Variants in PDLIM1 observed in about 807,000 individuals in gnomAD.
PDLIM1 encodes PDZ and LIM domain 1.
In PDLIM1, 25 loss-of-function variants were observed where a neutral mutation model predicts 35.2. The ratio of observed to expected loss-of-function variants is 0.71; its 90% CI spans 0.52 to 0.99. PDLIM1 has a LOEUF of 0.99. Ranked by LOEUF, PDLIM1 falls within the 50% of genes least tolerant of loss-of-function variation. PDLIM1 has a pLI of 0.00. For synonymous variants in PDLIM1, 152 were observed against 154.0 expected (o/e 0.99, Z 0.10); for missense variants, 363 against 415.3 (o/e 0.87, Z 1.09).
chr10:95,246,825 T>C (rs1014907116), intron 5 of PDLIM1, among the ~76,000 whole-genome samples: 2 of 152,196 alleles, frequency 1.3e-5, no homozygotes, highest in African/African-American at 4.8e-5. Flanking sequence ...CTGCTGCTCA[T>C]TGCCCATGGC....
At chr10:95,256,123 T>C (rs1164058514) in intron 4 of PDLIM1, among the ~76,000 whole-genome samples, 2 of 152,134 alleles carry the variant, frequency 1.3e-5, no homozygotes, top group African/African-American at 4.8e-5. Flanking sequence ...GTACACTGAA[T>C]AGAGTACATT....
intron 1 of PDLIM1, among the ~76,000 whole-genome samples, chr10:95,276,398 C>T (rs368675348): frequency 3.6e-4 from 55 of 152,284 alleles, no homozygotes; most frequent in African/African-American, 1.3e-3. Flanking sequence ...CTCCCTACCA[C>T]AGGACAGTCA....
chr10:95,271,659 T>C lies in PDLIM1; in HGVS notation c.222A>G (p.Thr74=), dbSNP rs762766484. ...TGGCTACAGTGAGAGTCAAGTTGTC[T>C]GTGCAGCCTTTGATTCTGTTCTGAG... The part of the protein sequence containing the change: ...LEAQNRIKGC[T]DNLTLTVARS... Residue 74 remains threonine, a synonymous_variant, in exon 2 of 7, where the codon ACA becomes ACG. Coordinates refer to ENST00000329399, the MANE Select transcript of PDLIM1 (RefSeq NM_020992.4). The C allele has an allele frequency of 3.1e-6, 5 of 1,607,130 alleles. No individual in the cohort carries two copies. The highest frequency in any genetic ancestry group is 1.1e-5 in the South Asian group (1 of 89,158).
Position 95,290,820 on chromosome 10 carries a change from C to T in PDLIM1, c.96G>A (p.Arg32=). Reference sequence around the variant, plus strand: ...CCACGCACGTCCCAGCTGCTCTTACCCGGGAAATGGCGAGAGGCTGCTCGA... The same window carrying T: ...CCACGCACGTCCCAGCTGCTCTTACTCGGGAAATGGCGAGAGGCTGCTCGA... The part of the protein sequence containing the change: ...KDFEQPLAIS[R]VTPGSKAALA... The change falls in exon 1 of 7, where the codon CGG becomes CGA. Residue 32 remains arginine (R), a splice_region_variant and synonymous_variant. Transcript: ENST00000329399. This position sits in a 1 kb window ranked among gnomAD's most constrained non-coding sequence, Gnocchi z 4.7. 1 of 1,556,674 alleles carries T rather than the reference C, an allele frequency of 6.4e-7. No individual in the cohort carries two copies. Among genetic ancestry groups the T allele is most frequent in the Non-Finnish European group, 8.7e-7 (1 of 1,150,180 alleles).
chr10:95,265,723 T>C (rs1200632512), intron 3 of PDLIM1, among the ~76,000 whole-genome samples: 1 of 149,188 alleles, frequency 6.7e-6, no homozygotes, highest in Non-Finnish European at 1.5e-5. Flanking sequence ...GAAACCAGCC[T>C]GGGCAACATA....
chr10:95,241,568 G>A (rs2035178358), intron 5 of PDLIM1, among the ~76,000 whole-genome samples: 1 of 152,140 alleles, frequency 6.6e-6, no homozygotes, highest in African/African-American at 2.4e-5. Context: ...AATACACAGG[G>A]CAGCCCCACA....
At chr10:95,247,065 CCCTCT>C in intron 5 of PDLIM1, 145 bp downstream of exon 5, 2 of 694,888 alleles carry the variant, frequency 2.9e-6, no homozygotes, top group Admixed American at 2.5e-5. Flanking sequence ...CTCTCTCTCT[CCCTCT>C]ATCTCTTTTT....
chr10:95,244,054 T>C (rs1236487965), intron 5 of PDLIM1, among the ~76,000 whole-genome samples: 2 of 152,216 alleles, frequency 1.3e-5, no homozygotes, highest in African/African-American at 4.8e-5. Context: ...CACATAAATG[T>C]ACTTAATACC....
intron 4 of PDLIM1, among the ~76,000 whole-genome samples, chr10:95,263,142 C>T (rs1023058882): frequency 2.3e-5 from 3 of 132,872 alleles, no homozygotes; most frequent in Admixed American, 7.7e-5. Context: ...GAAAGCTTGT[C>T]TCAAAAAAAA....
chr10:95,261,143 C>T (rs995955783), intron 4 of PDLIM1, among the ~76,000 whole-genome samples: 6 of 152,148 alleles, frequency 3.9e-5, no homozygotes, highest in African/African-American at 1.4e-4. Context: ...TAAACAGCCA[C>T]CTGGTAGTTT....
chr10:95,260,118 G>T (rs2035347860), intron 4 of PDLIM1, among the ~76,000 whole-genome samples: 1 of 152,208 alleles, frequency 6.6e-6, no homozygotes, highest in Non-Finnish European at 1.5e-5. Context: ...CACCTACCAG[G>T]GGCCAGGCAC....
At position 95,268,836 on chromosome 10, in the gene PDLIM1, AGAG is replaced by A. The variant is rs2035437743; in HGVS notation, c.272_274del (p.Pro91del). 1.2e-6 allele frequency: 2 copies of A among 1,611,850 alleles called. No individual in the cohort carries two copies. Among genetic ancestry groups the A allele is most frequent in the Non-Finnish European group, 1.7e-6 (2 of 1,177,850 alleles). On this transcript the variant is annotated inframe_deletion, in exon 3 of 7. Coordinates refer to ENST00000329399, the MANE Select transcript of PDLIM1 (RefSeq NM_020992.4). ...ATGACGCTTCCCTTCCTCCGTCACC[AGAG>A]GAGACCAGACTTTATGTTCAGATCT... is the stretch of plus-strand genomic sequence containing the variant.
intron 3 of PDLIM1, among the ~76,000 whole-genome samples, chr10:95,265,163 C>CA (rs765150528): frequency 2.6e-5 from 4 of 152,020 alleles, no homozygotes; most frequent in Non-Finnish European, 5.9e-5. Flanking sequence ...GTTGCACTTC[C>CA]TTTTTTCTCT....
rs1469906506 is a variant in PDLIM1 at position 95,241,864 on chromosome 10, G to A, written c.686-3179C>T. Among the ~76,000 whole-genome samples the A allele has an allele frequency of 5.3e-5, 8 of 152,156 alleles. No individual in the cohort carries two copies. The South Asian group carries it at 6.2e-4, about 12-fold the overall frequency. On this transcript the variant is annotated intron_variant, in intron 5 of 6. Coordinates refer to ENST00000329399, the MANE Select transcript of PDLIM1 (RefSeq NM_020992.4). Reference sequence around the variant, plus strand: ...AAGCCCAGCAGAGCCACAGCTATCCGGTAGCCCTCATAAATACAGATTACC... The same window carrying A: ...AAGCCCAGCAGAGCCACAGCTATCCAGTAGCCCTCATAAATACAGATTACC...
At chr10:95,273,359 C>T (rs974229674) in intron 1 of PDLIM1, 1 of 152,222 alleles carries the variant, frequency 6.6e-6, no homozygotes, top group Non-Finnish European at 1.5e-5. Context: ...AACCAGGACA[C>T]ACAAGTTGGG....
At chr10:95,258,406 G>A (rs1190540218) in intron 4 of PDLIM1, among the ~76,000 whole-genome samples, 1 of 152,070 alleles carries the variant, frequency 6.6e-6, no homozygotes, top group African/African-American at 2.4e-5. Flanking sequence ...GGAGGCTGAG[G>A]CAGAGAATTG....
In PDLIM1 at chr10:95,263,179, G is replaced by C. The variant is rs972326693; in HGVS notation, c.533+685C>G. 2.7e-5 allele frequency among the ~76,000 whole-genome samples: 4 copies of C among 148,690 alleles called. No homozygotes were observed. In the East Asian group the frequency reaches 7.8e-4, roughly 29 times the overall value. ...AAAAAAAGACTCAAAGGCAGCTGCAGCCAGATGATCTGTGACAGAAGAGGA... is the reference window on the plus strand; with the variant it reads ...AAAAAAAGACTCAAAGGCAGCTGCACCCAGATGATCTGTGACAGAAGAGGA... On this transcript the variant is annotated intron_variant, in intron 4 of 6. Coordinates refer to ENST00000329399, the MANE Select transcript of PDLIM1 (RefSeq NM_020992.4).
chr10:95,240,783 T>A (rs2035171495), intron 5 of PDLIM1, among the ~76,000 whole-genome samples: 1 of 152,180 alleles, frequency 6.6e-6, no homozygotes, highest in Non-Finnish European at 1.5e-5. Context: ...GGAAGGAGCC[T>A]TTCTGTAGTC....
At chr10:95,289,491 G>T (rs1228035606) in intron 1 of PDLIM1, among the ~76,000 whole-genome samples, 3 of 152,148 alleles carry the variant, frequency 2.0e-5, no homozygotes, top group Non-Finnish European at 2.9e-5. Flanking sequence ...CTCTTTTAGG[G>T]GGGTGAGATA....
Sources: gnomAD v4.1 joint callset for allele counts (sites outside exome capture counted in the v4.1 genomes callset) on GRCh38, gnomAD v4.1.1 for gene constraint, Gnocchi (gnomAD v3.1) non-coding constraint, MANE v1.5 for transcripts, NCBI Gene and HGNC (gene_info 2026-07-23, HGNC 2026-07-21) for gene names.